TMEM39A: variants seen among roughly 807,000 people sequenced by gnomAD.
TMEM39A encodes the protein suppressor of SQST-1 aggregates in rpl-43 mutants.
A neutral mutation model predicts 51.9 loss-of-function variants in TMEM39A; 19 were observed. The ratio of observed to expected loss-of-function variants is 0.37; its 90% CI spans 0.26 to 0.54. The LOEUF is 0.54. TMEM39A is among the 20% of genes least tolerant of loss of function. The pLI is 0.88. For missense variants in TMEM39A, 433 were observed against 590.5 expected (o/e 0.73, Z 2.76); for synonymous variants, 197 against 220.2 (o/e 0.89, Z 0.93).
At chr3:119,440,175 T>C (rs545222935) in intron 5 of TMEM39A, among the ~76,000 whole-genome samples, 134 of 152,042 alleles carry the variant, frequency 8.8e-4, no homozygotes, top group Non-Finnish European at 1.1e-3. Context: ...TGTGTAGGTG[T>C]AGAGGTGGGG....
intron 4 of TMEM39A, among the ~76,000 whole-genome samples, chr3:119,449,163 A>G (rs1361931536): frequency 6.6e-6 from 1 of 151,534 alleles, no homozygotes; most frequent in Non-Finnish European, 1.5e-5. Context: ...TCATAACATT[A>G]TGTTAATTTT....
intron 1 of TMEM39A, among the ~76,000 whole-genome samples, chr3:119,462,515 T>C (rs1164871189): frequency 6.6e-6 from 1 of 152,136 alleles, no homozygotes; most frequent in Non-Finnish European, 1.5e-5. Flanking sequence ...TGGCACTTTA[T>C]AAAACATTAG....
chr3:119,459,199 T>C (rs2081304673), intron 2 of TMEM39A, among the ~76,000 whole-genome samples: 1 of 152,250 alleles, frequency 6.6e-6, no homozygotes, highest in Non-Finnish European at 1.5e-5. Flanking sequence ...CCTACAGTGA[T>C]ATAAACTTTC....
At chr3:119,457,771 G>A (rs868712744) in intron 3 of TMEM39A, among the ~76,000 whole-genome samples, 7 of 152,120 alleles carry the variant, frequency 4.6e-5, no homozygotes, top group East Asian at 1.9e-4. Context: ...AAACCTTTCC[G>A]TGATATTATT....
intron 3 of TMEM39A, among the ~76,000 whole-genome samples, chr3:119,454,131 C>T (rs2081235056): frequency 1.3e-5 from 2 of 152,186 alleles, no homozygotes; most frequent in South Asian, 4.1e-4. Flanking sequence ...AGCAAGAAGG[C>T]TGGAGTGAGA....
chr3:119,437,063 C>A, intron 6 of TMEM39A, 85 bp from the exon 7 acceptor site: 3 of 1,273,570 alleles, frequency 2.4e-6, no homozygotes, highest in Non-Finnish European at 3.3e-6. Flanking sequence ...GCCCTGCAGA[C>A]AAATGCCACA....
Position 119,443,087 on chromosome 3 carries a change from A to AAAAAC in TMEM39A, c.575+3930_575+3931insGTTTT, listed in dbSNP as rs199691444. Among the ~76,000 whole-genome samples, 8 of 133,538 alleles carry AAAAAC rather than the reference A, an allele frequency of 6.0e-5. 2 individuals are homozygous for AAAAAC. The highest frequency in any genetic ancestry group is 2.2e-4 in the East Asian group (1 of 4,512). The allele number at this position is 133,538 out of a possible 152,430, so 87.6% of individuals were successfully genotyped here. Reference sequence around the variant, plus strand: ...TCAAAAAAAAAAAAAAAAAAAAAAAAGTGAAGCCTGAAGATGTGGCTGCAC... The same window carrying AAAAAC: ...TCAAAAAAAAAAAAAAAAAAAAAAAAAAAACGTGAAGCCTGAAGATGTGGCTGCAC... On this transcript the variant is annotated intron_variant, in intron 5 of 8. Transcript: ENST00000319172.
At chr3:119,434,682 A>C in intron 8 of TMEM39A, 80 bp downstream of exon 8, 12 of 1,563,216 alleles carry the variant, frequency 7.7e-6, no homozygotes, top group Non-Finnish European at 1.0e-5. Context: ...GCTACATGCT[A>C]TGCTACATGC....
chr3:119,456,151 G>A (rs2081260520), intron 3 of TMEM39A, among the ~76,000 whole-genome samples: 2 of 152,102 alleles, frequency 1.3e-5, no homozygotes, highest in South Asian at 4.1e-4. Flanking sequence ...TTAAGATAGT[G>A]AGTATTTATT....
chr3:119,457,888 A>G (rs1201610526), intron 3 of TMEM39A, 130 bp downstream of exon 3: 1 of 601,196 alleles, frequency 1.7e-6, no homozygotes, highest in Non-Finnish European at 2.8e-6. Flanking sequence ...TCTGAAAGTA[A>G]TCTGTGGCCT....
chr3:119,432,547 T>C (rs1190497950), intron 8 of TMEM39A, among the ~76,000 whole-genome samples: 1 of 152,158 alleles, frequency 6.6e-6, no homozygotes, highest in Non-Finnish European at 1.5e-5. Flanking sequence ...AGTATATTCA[T>C]CTAAGACAGA....
chr3:119,444,817 G>A (rs1027243141), intron 5 of TMEM39A, among the ~76,000 whole-genome samples: 1 of 152,060 alleles, frequency 6.6e-6, no homozygotes, highest in Non-Finnish European at 1.5e-5. Context: ...TACATTTTGA[G>A]AACTACTGAT....
At chr3:119,437,309 T>C (rs955007855) in intron 6 of TMEM39A, among the ~76,000 whole-genome samples, 2 of 152,020 alleles carry the variant, frequency 1.3e-5, no homozygotes, top group African/African-American at 4.8e-5. Flanking sequence ...ACCAAAAGAT[T>C]TTGGGCCCAA....
chr3:119,458,092 A>C lies in TMEM39A; in HGVS notation c.262T>G (p.Phe88Val). 6.2e-7 allele frequency: 1 copy of C among 1,614,196 alleles called. No individual in the cohort carries two copies. The highest frequency in any genetic ancestry group is 8.5e-7 in the Non-Finnish European group (1 of 1,180,020). ...LFFIYLLVAL[F>V]IQYINIYKTV... ...TTATAAATGTTGATGTACTGAATGA[A>C]AAGAGCAACCAACAGGTAGATGAAA... The change falls in exon 3 of 9, where the codon TTC (phenylalanine) becomes GTC (valine). Residue 88 changes from phenylalanine to valine, a missense_variant. Physicochemically the swap from Phe to Val is conservative, Grantham distance 50. Coordinates refer to ENST00000319172, the MANE Select transcript of TMEM39A (RefSeq NM_018266.3).
At chr3:119,452,832 C>A (rs898065094) in intron 3 of TMEM39A, among the ~76,000 whole-genome samples, 7 of 152,182 alleles carry the variant, frequency 4.6e-5, no homozygotes, top group South Asian at 2.1e-4. Flanking sequence ...TTATAACCTG[C>A]AGAATTATGG....
At chr3:119,439,373 G>A (rs948214767) in intron 5 of TMEM39A, among the ~76,000 whole-genome samples, 1 of 152,066 alleles carries the variant, frequency 6.6e-6, no homozygotes, top group African/African-American at 2.4e-5. Context: ...CTGAGGTCAG[G>A]AGTTCAAGAC....
chr3:119,443,462 T>C (rs2081082449), intron 5 of TMEM39A, among the ~76,000 whole-genome samples: 1 of 152,178 alleles, frequency 6.6e-6, no homozygotes. Flanking sequence ...ACCACCCTGA[T>C]CAGTCAGCAG....
Position 119,431,950 on chromosome 3 carries a change from T to A in TMEM39A, c.*31A>T, listed in dbSNP as rs1187905830. On this transcript the variant is annotated 3_prime_UTR_variant, in exon 9 of 9. Transcript: ENST00000319172. ...AATAGAACGTATGAAAATATTTTTA[T>A]CTGAGTTCTCCCTCATTGTTGAGAG... is the stretch of plus-strand genomic sequence containing the variant. The A allele has an allele frequency of 1.3e-5, 18 of 1,393,188 alleles. No homozygotes were observed. The highest frequency in any genetic ancestry group is 1.6e-5 in the Non-Finnish European group (16 of 1,028,224). The allele number at this position is 1,393,188 out of a possible 1,614,324, so 86.3% of individuals were successfully genotyped here. A position where few individuals can be genotyped will look rare whatever the true frequency, so the allele number is the denominator to read the frequency against.
chr3:119,432,631 G>A (rs749761288), intron 8 of TMEM39A, among the ~76,000 whole-genome samples: 6 of 152,008 alleles, frequency 3.9e-5, no homozygotes, highest in Non-Finnish European at 7.4e-5. Flanking sequence ...ATATTACATA[G>A]GTACTTATGT....
Sources: gnomAD v4.1 joint callset for allele counts (sites outside exome capture counted in the v4.1 genomes callset) on GRCh38, gnomAD v4.1.1 for gene constraint, MANE v1.5 for transcripts, NCBI Gene and HGNC (gene_info 2026-07-23, HGNC 2026-07-21) for gene names.